Variants in HLCS observed in about 807,000 individuals in gnomAD.
HLCS encodes the protein holocarboxylase synthetase.
A neutral mutation model predicts 75.0 loss-of-function variants in HLCS; 53 were observed. The ratio of observed to expected loss-of-function variants is 0.71; its 90% CI spans 0.57 to 0.89. The LOEUF (loss-of-function observed/expected upper bound fraction) is 0.89, where lower values mean the gene tolerates loss of function less well. Ranked by LOEUF, HLCS falls within the 40% of genes least tolerant of loss-of-function variation. The pLI is 0.00. For synonymous variants in HLCS, 431 were observed against 428.6 expected, an observed-to-expected ratio of 1.01 and a Z score of -0.07; for missense variants, 966 against 1,074.0, an observed-to-expected ratio of 0.90 and a Z score of 1.41.
In HLCS at chr21:36,842,218, C is replaced by T. The variant is rs2062638925; in HGVS notation, c.1892+54642G>A. ...AAGAGGCCATGGTGTATGTTTCCAT[C>T]GGTATAAAATATAAAACCAGGCAAA... On this transcript the variant is annotated intron_variant, in intron 6 of 10. Coordinates refer to ENST00000674895, the MANE Select transcript of HLCS (RefSeq NM_001352514.2). This position sits in a 1 kb window ranked among gnomAD's most constrained non-coding sequence, Gnocchi z 4.2. Among the ~76,000 whole-genome samples the T allele has an allele frequency of 1.3e-5, 2 of 152,118 alleles. No individual in the cohort carries two copies. Among genetic ancestry groups the T allele is most frequent in the South Asian group, 4.1e-4 (2 of 4,824 alleles).
At chr21:36,979,438 G>C (rs1382707855) in intron 1 of HLCS, among the ~76,000 whole-genome samples, 4 of 152,160 alleles carry the variant, frequency 2.6e-5, no homozygotes, top group Non-Finnish European at 5.9e-5. Context: ...TAGCTCCTTT[G>C]TTTTCACTGA....
At chr21:36,910,933 T>A (rs2065679277) in intron 5 of HLCS, among the ~76,000 whole-genome samples, 1 of 152,194 alleles carries the variant, frequency 6.6e-6, no homozygotes. Context: ...CGAACGGCTC[T>A]GAAGGGCTTC....
At chr21:36,828,104 T>C (rs7280746) in intron 6 of HLCS, among the ~76,000 whole-genome samples, 71,607 of 151,894 alleles carry the variant, frequency 0.47, 19,552 homozygotes, top group African/African-American at 0.76. Flanking sequence ...TGAGCCACCA[T>C]ACCTGGCCTC....
At chr21:36,889,617 A>T (rs2064688987) in intron 6 of HLCS, among the ~76,000 whole-genome samples, 1 of 152,158 alleles carries the variant, frequency 6.6e-6, no homozygotes, top group Non-Finnish European at 1.5e-5. Flanking sequence ...TGGCTGGTCC[A>T]CACCCACTTC....
At position 36,751,085 on chromosome 21, in the gene HLCS, CTTTAT is replaced by C. The variant is rs1393054484; in HGVS notation, c.*3156_*3160del. The C allele has an allele frequency of 7.3e-6, 1 of 137,098 alleles. No homozygotes were observed. The highest frequency in any genetic ancestry group is 2.6e-5 in the African/African-American group (1 of 37,784). The allele number at this position is 137,098 out of a possible 1,614,324, so 8.5% of individuals were successfully genotyped here. ...TACATATTCCTTACTATGTAAAACACTTTATTTATTTTGTAAAAATGTTTAAATAT... is the reference window on the plus strand; with the variant it reads ...TACATATTCCTTACTATGTAAAACACTTATTTTGTAAAAATGTTTAAATAT... On this transcript the variant is annotated 3_prime_UTR_variant, in exon 11 of 11. Transcript: ENST00000674895.
At chr21:36,802,033 T>C (rs1296704002) in intron 6 of HLCS, among the ~76,000 whole-genome samples, 1 of 152,232 alleles carries the variant, frequency 6.6e-6, no homozygotes, top group East Asian at 1.9e-4. Context: ...TATACAAGAA[T>C]ACAACTATTT....
intron 2 of HLCS, chr21:36,943,262 A>T (rs1375149994): frequency 6.6e-6 from 1 of 152,296 alleles, no homozygotes; most frequent in Non-Finnish European, 1.5e-5. Context: ...ACACATCTAG[A>T]TTAGGCTCAG....
chr21:36,870,614 T>C (rs2063736763), intron 6 of HLCS, among the ~76,000 whole-genome samples: 1 of 152,220 alleles, frequency 6.6e-6, no homozygotes, highest in Non-Finnish European at 1.5e-5. Context: ...TGAGAAGTGA[T>C]TGTTTCGGAA....
At chr21:36,950,467 C>CT (rs200926854) in intron 2 of HLCS, among the ~76,000 whole-genome samples, 16,687 of 145,890 alleles carry the variant, frequency 0.11, 1,114 homozygotes, top group Non-Finnish European at 0.16. Flanking sequence ...GAGAACCAAT[C>CT]TTTTTTTTTT....
chr21:36,810,206 G>A (rs983566021), intron 6 of HLCS, among the ~76,000 whole-genome samples: 1 of 152,226 alleles, frequency 6.6e-6, no homozygotes, highest in African/African-American at 2.4e-5. Context: ...TATCCCAGAT[G>A]TGAGGAAGGT....
At chr21:36,837,868 A>G (rs2062469211) in intron 6 of HLCS, among the ~76,000 whole-genome samples, 1 of 152,164 alleles carries the variant, frequency 6.6e-6, no homozygotes, top group African/African-American at 2.4e-5. Flanking sequence ...TACAGCGGAG[A>G]GGGGAAGAAA....
intron 2 of HLCS, among the ~76,000 whole-genome samples, chr21:36,946,856 A>G (rs1569232489): frequency 6.6e-6 from 1 of 152,186 alleles, no homozygotes; most frequent in Non-Finnish European, 1.5e-5. Flanking sequence ...AGGCCCACCC[A>G]ATGTTTCAGC....
At chr21:36,939,553 G>A (rs1054576136) in intron 2 of HLCS, among the ~76,000 whole-genome samples, 1 of 152,156 alleles carries the variant, frequency 6.6e-6, no homozygotes, top group Non-Finnish European at 1.5e-5. Flanking sequence ...TCCTGCACTC[G>A]AACTGTGAGA....
At chr21:36,949,270 G>A (rs1208155025) in intron 2 of HLCS, among the ~76,000 whole-genome samples, 1 of 152,232 alleles carries the variant, frequency 6.6e-6, no homozygotes, top group Non-Finnish European at 1.5e-5. Flanking sequence ...TGCTCCATGT[G>A]GCATCAGGTA....
Position 36,930,361 on chromosome 21 carries a change from T to C in HLCS, c.1510A>G (p.Asn504Asp), listed in dbSNP as rs748848234. The stretch of plus-strand genomic sequence containing the variant: ...CTAAGGACTTCGTATCTTCTAAAAT[T>C]GCTTGACTTGAGCAAGTTAAAATCT... ...PEDFNLLKSS[N>D]FRRYEVLREI... is the part of the protein sequence containing the mutation. Residue 504 changes from asparagine (N) to aspartate (D), a missense_variant, in exon 5 of 11, where the codon AAT becomes GAT. Transcript: ENST00000674895. 11 of 1,614,182 alleles carry C rather than the reference T, an allele frequency of 6.8e-6. No homozygotes were observed. Among genetic ancestry groups the C allele is most frequent in the Non-Finnish European group, 9.3e-6 (11 of 1,180,020 alleles).
intron 5 of HLCS, among the ~76,000 whole-genome samples, chr21:36,929,553 C>T (rs1271414666): frequency 6.6e-6 from 1 of 152,194 alleles, no homozygotes; most frequent in Admixed American, 6.5e-5. Context: ...TTTAAAGTCA[C>T]CTAGACTATT....
intron 1 of HLCS, chr21:36,980,728 G>T (rs2069098436): frequency 6.6e-6 from 1 of 152,322 alleles, no homozygotes; most frequent in Non-Finnish European, 1.5e-5. Context: ...GGGGGTGAAG[G>T]CGTAGTCGCC....
At chr21:36,794,846 C>T (rs2145894799) in intron 6 of HLCS, among the ~76,000 whole-genome samples, 1 of 152,152 alleles carries the variant, frequency 6.6e-6, no homozygotes, top group South Asian at 2.1e-4. Flanking sequence ...CGACTTCTGG[C>T]ACACACAACT....
Position 36,753,816 on chromosome 21 carries a change from A to G in HLCS, c.*430T>C, listed in dbSNP as rs186680398. On this transcript the variant is annotated 3_prime_UTR_variant, in exon 11 of 11. Coordinates refer to ENST00000674895, the MANE Select transcript of HLCS (RefSeq NM_001352514.2). The surrounding 1 kb of genome is among the most constrained non-coding windows in gnomAD (Gnocchi z 4.3). ...TTCAGTACCTCCCCAGATGCTTACAAACAGTGATAGCATACCTCTAACTCA... is the reference window on the plus strand; with the variant it reads ...TTCAGTACCTCCCCAGATGCTTACAGACAGTGATAGCATACCTCTAACTCA... 3.1e-4 allele frequency: 83 copies of G among 270,028 alleles called. No homozygotes were observed. Among genetic ancestry groups the G allele is most frequent in the Middle Eastern group, 1.4e-3 (1 of 712 alleles). The allele number at this position is 270,028 out of a possible 1,614,324, so 16.7% of individuals were successfully genotyped here.
Sources: gnomAD v4.1 joint callset for allele counts (sites outside exome capture counted in the v4.1 genomes callset) on GRCh38, gnomAD v4.1.1 for gene constraint, Gnocchi (gnomAD v3.1) non-coding constraint, MANE v1.5 for transcripts, NCBI Gene and HGNC (gene_info 2026-07-23, HGNC 2026-07-21) for gene names.